Variants in CNTN6 observed in about 807,000 individuals in gnomAD.
The protein encoded by CNTN6 is contactin-6.
Under a neutral mutation model 122.8 loss-of-function variants are expected in CNTN6, and 137 were observed. The observed-to-expected ratio is 1.12, with a 90% CI of 0.97 to 1.29. The LOEUF (loss-of-function observed/expected upper bound fraction) is 1.29. CNTN6 is among the 50% of genes most tolerant of loss of function. CNTN6 has a pLI of 0.00. For missense variants in CNTN6, 1,634 were observed against 1,223.4 expected (o/e 1.34, Z -5.01); for synonymous variants, 570 against 426.0 (o/e 1.34, Z -4.16).
intron 12 of CNTN6, among the ~76,000 whole-genome samples, chr3:1,354,014 C>G (rs936358752): frequency 6.6e-6 from 1 of 151,354 alleles, no homozygotes; most frequent in Non-Finnish European, 1.5e-5. Context: ...AAGAAAAACA[C>G]AAGTTAATGG....
intron 7 of CNTN6, chr3:1,298,488 C>G (rs1235832443): frequency 6.6e-6 from 1 of 152,274 alleles, no homozygotes; most frequent in Non-Finnish European, 1.5e-5. Context: ...TGAGCCCAAC[C>G]TTCCCTGATA....
Position 1,108,476 on chromosome 3 carries a change from A to G in CNTN6, c.-83+15356A>G, listed in dbSNP as rs79218818. Among the ~76,000 whole-genome samples, 630 of 152,098 alleles carry G rather than the reference A, an allele frequency of 4.1e-3. 5 individuals carry two copies. Among genetic ancestry groups the G allele is most frequent in the African/African-American group, 0.014 (600 of 41,498 alleles). On this transcript the variant is annotated intron_variant, in intron 1 of 22. Transcript: ENST00000446702. ...ATGTGTCACATGAGGTCAGGTGTGG[A>G]ATTTTTCAGTTTGGAGTCCTGTTGG...
chr3:1,291,896 C>T (rs75102579), intron 5 of CNTN6, among the ~76,000 whole-genome samples: 3,687 of 152,076 alleles, frequency 0.024, 144 homozygotes, highest in African/African-American at 0.084. Context: ...AAGCATTTTT[C>T]AAAAATTAAA....
intron 22 of CNTN6, among the ~76,000 whole-genome samples, 174 bp from the exon 23 acceptor site, chr3:1,403,144 G>C (rs1695943705): frequency 6.6e-6 from 1 of 151,978 alleles, no homozygotes; most frequent in South Asian, 2.1e-4. Flanking sequence ...AGATGTCCTT[G>C]GACAAAGACA....
chr3:1,330,076 C>T, intron 11 of CNTN6, 141 bp downstream of exon 11: 1 of 522,582 alleles, frequency 1.9e-6, no homozygotes, highest in Middle Eastern at 5.4e-4. Context: ...GCATTCTTCT[C>T]ATCATAGTAA....
chr3:1,295,810 A>C lies in CNTN6; in HGVS notation c.658+6A>C, dbSNP rs1405211237. ...ATTAGTGCAGCGCACTGATGGTAAG[A>C]TAATGAGTTATCTTGGGAATGTACT... On this transcript the variant is annotated splice_donor_region_variant and intron_variant, in intron 6 of 22. Transcript: ENST00000446702. 2 of 1,610,152 alleles carry C rather than the reference A, an allele frequency of 1.2e-6. No individual in the cohort carries two copies. The highest frequency in any genetic ancestry group is 1.7e-6 in the Non-Finnish European group (2 of 1,176,606).
intron 4 of CNTN6, among the ~76,000 whole-genome samples, chr3:1,252,155 T>C (rs1164464550): frequency 6.6e-6 from 1 of 152,210 alleles, no homozygotes; most frequent in East Asian, 1.9e-4. Context: ...CTAGGCCCAC[T>C]TCTTAAACAT....
chr3:1,117,895 G>A (rs2091790153), intron 1 of CNTN6, among the ~76,000 whole-genome samples: 1 of 152,150 alleles, frequency 6.6e-6, no homozygotes, highest in African/African-American at 2.4e-5. Flanking sequence ...GAGAAACTGA[G>A]CTTCAGTTCT....
intron 16 of CNTN6, 120 bp downstream of exon 16, chr3:1,374,193 G>A (rs956832441): frequency 1.6e-5 from 15 of 944,192 alleles, no homozygotes; most frequent in African/African-American, 1.0e-4. Flanking sequence ...GGCAGTAAAC[G>A]AGTGGCTCTC....
intron 20 of CNTN6, among the ~76,000 whole-genome samples, chr3:1,390,736 C>A (rs2126221469): frequency 6.6e-6 from 1 of 151,906 alleles, no homozygotes; most frequent in Admixed American, 6.5e-5. Flanking sequence ...CACCACCAAT[C>A]CCACAGAAAT....
chr3:1,321,009 T>G (rs940475790), intron 7 of CNTN6, among the ~76,000 whole-genome samples: 12 of 151,654 alleles, frequency 7.9e-5, no homozygotes, highest in Non-Finnish European at 1.5e-4. Context: ...TACTTTTTTT[T>G]AAATCGTATA....
At chr3:1,227,788 A>G (rs1392803849) in intron 3 of CNTN6, 30 bp from the exon 4 acceptor site, 2 of 1,608,066 alleles carry the variant, frequency 1.2e-6, no homozygotes, top group Non-Finnish European at 1.7e-6. Flanking sequence ...TCTGTATATT[A>G]TAAGCACTTT....
At chr3:1,349,847 G>A (rs1430613216) in intron 11 of CNTN6, among the ~76,000 whole-genome samples, 2 of 151,458 alleles carry the variant, frequency 1.3e-5, no homozygotes, top group Non-Finnish European at 3.0e-5. Context: ...ATTAATTAAA[G>A]GAGAAATCTA....
intron 4 of CNTN6, among the ~76,000 whole-genome samples, chr3:1,228,654 T>G (rs2094316709): frequency 6.6e-6 from 1 of 152,226 alleles, no homozygotes; most frequent in Non-Finnish European, 1.5e-5. Context: ...TAATTATATC[T>G]GTTGATGTGG....
intron 12 of CNTN6, among the ~76,000 whole-genome samples, chr3:1,355,144 C>T (rs1442718242): frequency 1.3e-5 from 2 of 151,576 alleles, no homozygotes; most frequent in African/African-American, 2.4e-5. Flanking sequence ...ACATCCACAT[C>T]CCATTTTAAG....
intron 11 of CNTN6, among the ~76,000 whole-genome samples, chr3:1,338,356 A>C (rs946326188): frequency 6.6e-6 from 1 of 152,090 alleles, no homozygotes; most frequent in Non-Finnish European, 1.5e-5. Flanking sequence ...CATGCCCATG[A>C]TTTTGATTTA....
rs770736024 is a variant in CNTN6, at chr3:1,329,894, C to G, written c.1323C>G (p.Ile441Met). The change falls in exon 11 of 23, where the codon ATC (isoleucine) becomes ATG (methionine). Residue 441 changes from isoleucine to methionine, a missense_variant. Physicochemically the swap from Ile to Met is conservative, Grantham distance 10. Coordinates refer to ENST00000446702, the MANE Select transcript of CNTN6 (RefSeq NM_001289080.2). ...CKPNAFPRAA[I>M]SWKRGTETLR... ...CAAATGCTTTTCCCAGGGCAGCTAT[C>G]TCTTGGAAAAGAGGAACGGAGACCC... The G allele has an allele frequency of 6.2e-7, 1 of 1,609,842 alleles. No individual in the cohort carries two copies. The highest frequency in any genetic ancestry group is 2.2e-5 in the East Asian group (1 of 44,634).
chr3:1,152,536 C>T (rs1193979459), intron 2 of CNTN6, among the ~76,000 whole-genome samples: 1 of 152,090 alleles, frequency 6.6e-6, no homozygotes, highest in Non-Finnish European at 1.5e-5. Flanking sequence ...CCTAGAATGT[C>T]ACCTGCCTAA....
rs1483952442 is a variant in CNTN6 at position 1,403,360 on chromosome 3, AT to A, written c.3033del (p.Leu1012PhefsTer6). 6.2e-7 allele frequency: 1 copy of A among 1,611,140 alleles called. No homozygotes were observed. Among genetic ancestry groups the A allele is most frequent in the African/African-American group, 1.3e-5 (1 of 74,772 alleles). On this transcript the variant is annotated frameshift_variant, in exon 23 of 23. Transcript: ENST00000446702. LOFTEE classifies it high-confidence loss of function. Reference protein sequence around the residue: ...RGIQFLEPSTHFLSIVIVIFH... With the variant: ...RGIQFLEPSTXFLSIVIVIFH... ...ATTCAATTCTTAGAACCTAGCACCC[AT>A]TTTCTTTCCATTGTCATTGTGATTT...
Sources: allele counts gnomAD v4.1 joint callset (sites outside exome capture counted in the v4.1 genomes callset), GRCh38; gene constraint gnomAD v4.1.1; transcripts MANE v1.5; gene names NCBI Gene and HGNC (gene_info 2026-07-23, HGNC 2026-07-21).